Variants in GP2 observed in about 807,000 individuals in gnomAD.
GP2 encodes glycoprotein 2, also known as pancreatic secretory granule membrane major glycoprotein GP2.
In GP2, 58 loss-of-function variants were observed where a neutral mutation model predicts 60.8. The ratio of observed to expected loss-of-function variants is 0.95; its 90% CI spans 0.77 to 1.19. The LOEUF is 1.19. Ranked by LOEUF, GP2 falls within the 50% of genes most tolerant of loss-of-function variation. The pLI is 0.00. For synonymous variants in GP2, 280 were observed against 253.4 expected, an observed-to-expected ratio of 1.10 and a Z score of -1.00; for missense variants, 647 against 667.4, an observed-to-expected ratio of 0.97 and a Z score of 0.34.
rs953463495 is a variant in GP2 at position 20,310,446 on chromosome 16, C to T, written c.*777G>A. 6.6e-6 allele frequency: 1 copy of T among 152,120 alleles called. No homozygotes were observed. Among genetic ancestry groups the T allele is most frequent in the Non-Finnish European group, 1.5e-5 (1 of 68,052 alleles). The allele number at this position is 152,120 out of a possible 1,614,324, so 9.4% of individuals were successfully genotyped here. ...GTGGCCCTTTGACATGTTCCCATGG[C>T]AATTTTTGGAAACCATGATAGAAAC... On this transcript the variant is annotated 3_prime_UTR_variant, in exon 11 of 11. Transcript: ENST00000302555.
chr16:20,312,569 A>C (rs915090863), intron 10 of GP2, among the ~76,000 whole-genome samples: 1 of 152,120 alleles, frequency 6.6e-6, no homozygotes, highest in African/African-American at 2.4e-5. Context: ...GGCAAACTCT[A>C]CTGGGAAACC....
rs1237874912 is a variant in GP2, at chr16:20,320,455, G to A, written c.665C>T (p.Pro222Leu). The A allele has an allele frequency of 2.5e-6, 4 of 1,613,178 alleles. No individual in the cohort carries two copies. Among genetic ancestry groups the A allele is most frequent in the African/African-American group, 1.3e-5 (1 of 75,016 alleles). The part of the protein sequence containing the change: ...LNSSDVHSLQ[P>L]QLDCGPREIK... ...CTCCCTGGGCCCACAGTCTAGCTGAGGCTGCAAACTGTGGACATCTGCAAA... is the reference window on the plus strand; with the variant it reads ...CTCCCTGGGCCCACAGTCTAGCTGAAGCTGCAAACTGTGGACATCTGCAAA... Residue 222 changes from proline to leucine, a missense_variant, in exon 5 of 11, where the codon CCT becomes CTT. Transcript: ENST00000302555.
At chr16:20,311,753 C>G (rs911825052) in intron 10 of GP2, among the ~76,000 whole-genome samples, 2 of 152,140 alleles carry the variant, frequency 1.3e-5, no homozygotes, top group East Asian at 3.8e-4. Flanking sequence ...AACTGCATCC[C>G]CTCCCCCAGT....
chr16:20,314,649 T>A lies in GP2; in HGVS notation c.1546+8A>T. On this transcript the variant is annotated splice_region_variant and intron_variant, in intron 10 of 10. Transcript: ENST00000302555. ...AAGCTGTGGGAAAGGCATGAGAAAA[T>A]GATGTACCTGCAGTGCTAGGGGTTC... 6.3e-7 allele frequency: 1 copy of A among 1,576,706 alleles called. No individual in the cohort carries two copies. The highest frequency in any genetic ancestry group is 1.1e-5 in the South Asian group (1 of 90,338).
intron 2 of GP2, among the ~76,000 whole-genome samples, chr16:20,325,660 G>A (rs567260997): frequency 5.4e-4 from 82 of 152,286 alleles, no homozygotes; most frequent in African/African-American, 1.9e-3. Context: ...GGAGCTAAGT[G>A]CACACACAGG....
chr16:20,313,972 AG>A (rs1440400881), intron 10 of GP2, among the ~76,000 whole-genome samples: 4 of 152,200 alleles, frequency 2.6e-5, no homozygotes, highest in Admixed American at 2.0e-4. Flanking sequence ...AGCCTTGGAC[AG>A]CTTGCCTCTA....
chr16:20,321,187 T>C (rs1964347214), intron 4 of GP2, among the ~76,000 whole-genome samples: 1 of 149,200 alleles, frequency 6.7e-6, no homozygotes, highest in Non-Finnish European at 1.5e-5. Context: ...AGGCTGGGAT[T>C]ACAGGCATGG....
Position 20,326,316 on chromosome 16 carries a change from G to T in GP2, c.94+22C>A, listed in dbSNP as rs113395417. 1.2e-4 allele frequency: 187 copies of T among 1,610,430 alleles called. 4 individuals are homozygous for T. The African/African-American group carries it at 1.8e-3, about 16-fold the overall frequency. On this transcript the variant is annotated intron_variant, in intron 2 of 10. Transcript: ENST00000302555. ...CTAGGTCTTCCTTGACATCTGAGAT[G>T]CCAGGTGAGCAGAATACTTACCTCG...
At position 20,311,095 on chromosome 16, in the gene GP2, A is replaced by G; in HGVS notation, c.*128T>C. 1 of 651,270 alleles carries G rather than the reference A, an allele frequency of 1.5e-6. No homozygotes were observed. Among genetic ancestry groups the G allele is most frequent in the South Asian group, 1.8e-5 (1 of 56,344 alleles). The allele number at this position is 651,270 out of a possible 1,614,324, so 40.3% of individuals were successfully genotyped here. A position where few individuals can be genotyped will look rare whatever the true frequency, so the allele number is the denominator to read the frequency against. On this transcript the variant is annotated 3_prime_UTR_variant, in exon 11 of 11. Coordinates refer to ENST00000302555, the MANE Select transcript of GP2 (RefSeq NM_001502.4). ...AAGGTGAAAGCTCTTCCCTTTTCCT[A>G]ACCTAGCTTGGCCTTGATTCTATTA...
rs1963975661 is a variant in GP2 at position 20,310,861 on chromosome 16, A to G, written c.*362T>C. 1 of 186,924 alleles carries G rather than the reference A, an allele frequency of 5.3e-6. No homozygotes were observed. Among genetic ancestry groups the G allele is most frequent in the Non-Finnish European group, 1.1e-5 (1 of 89,596 alleles). 11.6% of individuals were successfully genotyped at this position (186,924 alleles called of 1,614,324 possible). A position where few individuals can be genotyped will look rare whatever the true frequency, so the allele number is the denominator to read the frequency against. On this transcript the variant is annotated 3_prime_UTR_variant, in exon 11 of 11. Transcript: ENST00000302555. ...AACCTCCACCCCCTGAGTTCGAGCA[A>G]TTCTCCTGCCTTGGCCTCCCGAGTA...
At chr16:20,316,954 T>C (rs61670798) in intron 8 of GP2, among the ~76,000 whole-genome samples, 71,268 of 140,576 alleles carry the variant, frequency 0.51, 18,224 homozygotes, top group East Asian at 0.79. Context: ...TCCCTCCTTC[T>C]CCTTCCTCGT....
chr16:20,315,379 CTACTG>C (rs1443172548), intron 9 of GP2, among the ~76,000 whole-genome samples: 1 of 152,186 alleles, frequency 6.6e-6, no homozygotes, highest in African/African-American at 2.4e-5. Context: ...TAACTAAACA[CTACTG>C]TAAACCCATG....
intron 4 of GP2, among the ~76,000 whole-genome samples, chr16:20,321,002 A>G (rs1442162053): frequency 6.6e-6 from 1 of 151,732 alleles, no homozygotes; most frequent in Non-Finnish European, 1.5e-5. Flanking sequence ...TCATTAATGC[A>G]TTGATTCAAT....
At position 20,320,457 on chromosome 16, in the gene GP2, C is replaced by A; in HGVS notation, c.663G>T (p.Gln221His). ...DLNSSDVHSL[Q>H]PQLDCGPREI... Reference sequence around the variant, plus strand: ...CCCTGGGCCCACAGTCTAGCTGAGGCTGCAAACTGTGGACATCTGCAAAGC... The same window carrying A: ...CCCTGGGCCCACAGTCTAGCTGAGGATGCAAACTGTGGACATCTGCAAAGC... The change falls in exon 5 of 11, where the codon CAG (glutamine) becomes CAT (histidine). Residue 221 changes from glutamine (Q) to histidine (H), a missense_variant. Coordinates refer to ENST00000302555, the MANE Select transcript of GP2 (RefSeq NM_001502.4). 1 of 1,613,114 alleles carries A rather than the reference C, an allele frequency of 6.2e-7. No individual in the cohort carries two copies. The highest frequency in any genetic ancestry group is 8.5e-7 in the Non-Finnish European group (1 of 1,179,118).
intron 9 of GP2, among the ~76,000 whole-genome samples, chr16:20,315,613 G>C (rs1964140638): frequency 1.3e-5 from 2 of 152,208 alleles, no homozygotes; most frequent in African/African-American, 2.4e-5. Flanking sequence ...ATCAGACTGA[G>C]CTGGGTTCAA....
chr16:20,321,797 G>A (rs1330121290), intron 4 of GP2, among the ~76,000 whole-genome samples: 1 of 152,172 alleles, frequency 6.6e-6, no homozygotes, highest in East Asian at 1.9e-4. Context: ...GTGTCTGCAA[G>A]CAATGGGGCC....
chr16:20,318,569 G>A, intron 6 of GP2, 139 bp from the exon 7 acceptor site: 1 of 739,748 alleles, frequency 1.4e-6, no homozygotes, highest in South Asian at 1.8e-5. Flanking sequence ...CGTTTAAACT[G>A]AGCATTTATT....
intron 3 of GP2, chr16:20,323,598 C>T (rs747819836): frequency 2.5e-5 from 15 of 589,420 alleles, no homozygotes; most frequent in Non-Finnish European, 4.3e-5. Context: ...ATGCTACACA[C>T]ATTTATAAAC....
intron 4 of GP2, among the ~76,000 whole-genome samples, chr16:20,321,935 C>G (rs554114001): frequency 1.3e-5 from 2 of 152,218 alleles, no homozygotes; most frequent in Non-Finnish European, 2.9e-5. Flanking sequence ...AGCCCAAAAT[C>G]TGACTCTGTG....
Sources: allele counts gnomAD v4.1 joint callset (sites outside exome capture counted in the v4.1 genomes callset), GRCh38; gene constraint gnomAD v4.1.1; transcripts MANE v1.5; gene names NCBI Gene and HGNC (gene_info 2026-07-23, HGNC 2026-07-21).